Variants in KIAA1217 observed in about 807,000 individuals in gnomAD.
KIAA1217 encodes the protein KIAA1217.
Under a neutral mutation model 163.9 loss-of-function variants are expected in KIAA1217, and 88 were observed. The ratio of observed to expected loss-of-function variants is 0.54; its 90% CI spans 0.45 to 0.64. The LOEUF (loss-of-function observed/expected upper bound fraction) is 0.64. Among genes scored for constraint, KIAA1217 ranks in the 30% least tolerant of loss-of-function variants. The probability of loss-of-function intolerance (pLI) is 0.00; values close to 1 mark genes in which losing one functional copy is unlikely to be tolerated. For missense variants in KIAA1217, 2,372 were observed against 2,475.0 expected (o/e 0.96, Z 0.88); for synonymous variants, 903 against 923.1 (o/e 0.98, Z 0.39).
At chr10:23,713,536 C>G (rs2130741736) in intron 1 of KIAA1217, among the ~76,000 whole-genome samples, 1 of 152,052 alleles carries the variant, frequency 6.6e-6, no homozygotes, top group East Asian at 1.9e-4. Context: ...TTGTGTTGAC[C>G]ACTCTACACA....
At chr10:23,851,973 C>G (rs543565071) in intron 1 of KIAA1217, among the ~76,000 whole-genome samples, 1 of 152,020 alleles carries the variant, frequency 6.6e-6, no homozygotes, top group Non-Finnish European at 1.5e-5. Context: ...TGCCTGTTCA[C>G]TCCGATGGTA....
upstream of KIAA1217, among the ~76,000 whole-genome samples, chr10:24,207,633 C>T (rs1304229212): frequency 2.6e-5 from 4 of 152,208 alleles, no homozygotes; most frequent in African/African-American, 9.7e-5. Context: ...ATTCAGGCTG[C>T]CGAGGCACTG....
At chr10:24,229,995 T>C (rs2071147944) in intron 2 of KIAA1217, among the ~76,000 whole-genome samples, 1 of 151,970 alleles carries the variant, frequency 6.6e-6, no homozygotes, top group African/African-American at 2.4e-5. Flanking sequence ...AAATAAAAAA[T>C]AAATAAATAA....
chr10:23,787,744 T>G (rs1034376074), intron 1 of KIAA1217, among the ~76,000 whole-genome samples: 1 of 152,214 alleles, frequency 6.6e-6, no homozygotes, highest in African/African-American at 2.4e-5. Flanking sequence ...TGTCTGATAT[T>G]TCTTTTCTAA....
chr10:24,423,445 C>A (rs1457016816), intron 3 of KIAA1217, among the ~76,000 whole-genome samples: 1 of 151,822 alleles, frequency 6.6e-6, no homozygotes, highest in Admixed American at 6.6e-5. Context: ...CCACCACGCC[C>A]AGATAATTTT....
intron 2 of KIAA1217, among the ~76,000 whole-genome samples, chr10:24,058,519 G>A (rs2060607481): frequency 6.6e-6 from 1 of 151,998 alleles, no homozygotes. Context: ...CTTCCTATTT[G>A]TTAACATGGA....
chr10:24,262,628 G>C (rs376138497), intron 2 of KIAA1217, among the ~76,000 whole-genome samples: 4 of 70,840 alleles, frequency 5.6e-5, no homozygotes, highest in African/African-American at 1.5e-4. Flanking sequence ...CCGTCTCAAA[G>C]AAAAAAAAAA....
chr10:24,517,180 A>T (rs1174328758), intron 10 of KIAA1217, among the ~76,000 whole-genome samples: 1 of 151,968 alleles, frequency 6.6e-6, no homozygotes, highest in Non-Finnish European at 1.5e-5. Context: ...GTTAAAAAAA[A>T]AAAAAAAACT....
intron 9 of KIAA1217, among the ~76,000 whole-genome samples, chr10:24,509,417 A>T (rs1056053364): frequency 2.0e-5 from 3 of 152,206 alleles, no homozygotes; most frequent in Non-Finnish European, 4.4e-5. Flanking sequence ...CGCTTTCTAG[A>T]CAGGAGGATA....
At chr10:23,875,286 G>T (rs889282607) in intron 1 of KIAA1217, among the ~76,000 whole-genome samples, 1 of 151,996 alleles carries the variant, frequency 6.6e-6, no homozygotes, top group Non-Finnish European at 1.5e-5. Flanking sequence ...TAGAAACAGG[G>T]GAGCAAGGGA....
In KIAA1217 at chr10:23,745,774, A is replaced by G. The variant is rs76162732; in HGVS notation, c.-321+50540A>G. On this transcript the variant is annotated intron_variant, in intron 1 of 18. Transcript: ENST00000376462. ...CCCATGGTAGAGTGAATGATAAATC[A>G]TAGCCTTGTAGATGGATGGGAGACA... 1.2e-3 allele frequency among the ~76,000 whole-genome samples: 179 copies of G among 152,328 alleles called. 13 individuals carry two copies. The East Asian group carries it at 0.028, about 24-fold the overall frequency.
intron 2 of KIAA1217, among the ~76,000 whole-genome samples, chr10:24,361,434 C>T (rs1294242361): frequency 1.3e-5 from 2 of 152,154 alleles, no homozygotes; most frequent in African/African-American, 4.8e-5. Flanking sequence ...GCGATCTTCC[C>T]ACCTTGGCCT....
At chr10:24,499,665 G>A (rs1216092491) in intron 8 of KIAA1217, among the ~76,000 whole-genome samples, 3 of 152,160 alleles carry the variant, frequency 2.0e-5, no homozygotes, top group African/African-American at 7.2e-5. Context: ...CCAGGAGGCA[G>A]AGGCTGCAGT....
intron 2 of KIAA1217, among the ~76,000 whole-genome samples, chr10:24,306,870 A>G (rs1226489441): frequency 1.3e-5 from 2 of 152,128 alleles, no homozygotes; most frequent in African/African-American, 2.4e-5. Context: ...CTTGTCATAT[A>G]TTTGGAAGGT....
intron 1 of KIAA1217, among the ~76,000 whole-genome samples, chr10:23,962,277 C>T (rs1381201245): frequency 6.6e-6 from 1 of 152,154 alleles, no homozygotes; most frequent in East Asian, 1.9e-4. Context: ...CACATAGCCT[C>T]AGTTTCCACA....
chr10:23,942,961 A>G (rs915017678), intron 1 of KIAA1217, among the ~76,000 whole-genome samples: 1 of 151,404 alleles, frequency 6.6e-6, no homozygotes, highest in Non-Finnish European at 1.5e-5. Context: ...AAAAAAAAAA[A>G]AACTAAAAAA....
At chr10:23,886,778 A>G (rs1841193208) in intron 1 of KIAA1217, among the ~76,000 whole-genome samples, 1 of 151,260 alleles carries the variant, frequency 6.6e-6, no homozygotes, top group South Asian at 2.1e-4. Flanking sequence ...TTCCTTATAA[A>G]TGTCATTTGA....
At chr10:23,821,001 A>G (rs1837593010) in intron 1 of KIAA1217, among the ~76,000 whole-genome samples, 1 of 152,136 alleles carries the variant, frequency 6.6e-6, no homozygotes, top group African/African-American at 2.4e-5. Context: ...ATAAAGTTGC[A>G]GAAGGAACTT....
intron 2 of KIAA1217, among the ~76,000 whole-genome samples, chr10:24,115,720 G>A (rs7078794): frequency 0.099 from 15,139 of 152,218 alleles, 2,168 homozygotes; most frequent in African/African-American, 0.32. Flanking sequence ...GCACTGGGAA[G>A]GCTTGACTTT....
Sources: gnomAD v4.1 joint callset for allele counts (sites outside exome capture counted in the v4.1 genomes callset) on GRCh38, gnomAD v4.1.1 for gene constraint, MANE v1.5 for transcripts, NCBI Gene and HGNC (gene_info 2026-07-23, HGNC 2026-07-21) for gene names.